Variants in TBL2 observed in about 807,000 individuals in gnomAD.
TBL2 encodes the protein transducin beta like 2.
In TBL2, 33 loss-of-function variants were observed where a neutral mutation model predicts 41.8. The observed-to-expected ratio is 0.79, with a 90% confidence interval of 0.60 to 1.06. TBL2 has a LOEUF of 1.06. Ranked by LOEUF, TBL2 falls within the 50% of genes least tolerant of loss-of-function variation. The pLI is 0.00. For synonymous variants in TBL2, 239 were observed against 241.7 expected, an observed-to-expected ratio of 0.99 and a Z score of 0.10; for missense variants, 522 against 603.8, an observed-to-expected ratio of 0.86 and a Z score of 1.42.
chr7:73,576,431 T>C (rs1554588940), intron 1 of TBL2: 3 of 328,234 alleles, frequency 9.1e-6, no homozygotes. Flanking sequence ...CCGGGCGTGG[T>C]GGCAGGCGCC....
chr7:73,578,077 C>G (rs1216044378), intron 1 of TBL2: 1 of 592,764 alleles, frequency 1.7e-6, no homozygotes, highest in Non-Finnish European at 2.9e-6. Flanking sequence ...GTAAATGCTG[C>G]TGCACATCAC....
chr7:73,574,419 G>C lies in TBL2; in HGVS notation c.225C>G (p.His75Gln), dbSNP rs373410374. ...QRIRKEKPQQ[H>Q]NFTHRLLAAA... ...CAGCCAGGAGGCGGTGGGTGAAGTT[G>C]TGTTGTTGAGGCTTCTCCTTCCGAA... is the stretch of plus-strand genomic sequence containing the variant. Residue 75 changes from histidine to glutamine, a missense_variant, in exon 2 of 7, where the codon CAC becomes CAG. Coordinates refer to ENST00000305632, the MANE Select transcript of TBL2 (RefSeq NM_012453.4). 5 of 1,614,012 alleles carry C rather than the reference G, an allele frequency of 3.1e-6. No individual in the cohort carries two copies. Among genetic ancestry groups the C allele is most frequent in the Non-Finnish European group, 4.2e-6 (5 of 1,180,042 alleles).
chr7:73,570,750 G>A lies in TBL2; in HGVS notation c.1101C>T (p.Cys367=). The change falls in exon 7 of 7, where the codon TGC becomes TGT. Residue 367 remains cysteine (C), a synonymous_variant. Transcript: ENST00000305632. ...YNTRRGEKEE[C]FERVHGECIA... The stretch of plus-strand genomic sequence containing the variant: ...TACACTCGCCATGGACCCGCTCAAA[G>A]CACTCCTCCTTCTCGCCCCGCCGGG... The A allele has an allele frequency of 6.2e-7, 1 of 1,614,210 alleles. No individual in the cohort carries two copies. Among genetic ancestry groups the A allele is most frequent in the Non-Finnish European group, 8.5e-7 (1 of 1,180,046 alleles).
chr7:73,573,395 T>G lies in TBL2; in HGVS notation c.523A>C (p.Thr175Pro). 6.2e-7 allele frequency: 1 copy of G among 1,614,112 alleles called. No individual in the cohort carries two copies. Among genetic ancestry groups the G allele is most frequent in the Non-Finnish European group, 8.5e-7 (1 of 1,180,006 alleles). Residue 175 changes from threonine (T) to proline (P), a missense_variant, in exon 4 of 7, where the codon ACC becomes CCC. Physicochemically the swap from Thr to Pro is conservative, Grantham distance 38. Coordinates refer to ENST00000305632, the MANE Select transcript of TBL2 (RefSeq NM_012453.4). ...KMTKREDGGYTFTATPEDFPK... is the reference protein window; with the variant it reads ...KMTKREDGGYPFTATPEDFPK... ...AAGTCCTCTGGGGTGGCTGTGAAGG[T>G]GTAGCCCCCATCCTCCCGCTTGGTC...
At chr7:73,572,626 A>C (rs560603408) in intron 5 of TBL2, among the ~76,000 whole-genome samples, 2 of 152,242 alleles carry the variant, frequency 1.3e-5, no homozygotes, top group African/African-American at 4.8e-5. Flanking sequence ...TTTTCTAAAA[A>C]ACAAAAACAC....
At position 73,571,281 on chromosome 7, in the gene TBL2, C is replaced by G; in HGVS notation, c.786G>C (p.Lys262Asn). ...DVKVWEVCFG[K>N]KGEFQEVVRA... ...GCACCACCTCCTGGAACTCCCCCTT[C>G]TTTCCAAAGCAGACTTCCCAAACCT... Residue 262 changes from lysine to asparagine, a missense_variant, in exon 6 of 7, where the codon AAG (lysine) becomes AAC (asparagine). Coordinates refer to ENST00000305632, the MANE Select transcript of TBL2 (RefSeq NM_012453.4). The G allele has an allele frequency of 1.2e-6, 2 of 1,614,238 alleles. No individual in the cohort carries two copies. Among genetic ancestry groups the G allele is most frequent in the Non-Finnish European group, 1.7e-6 (2 of 1,180,052 alleles).
intron 1 of TBL2, chr7:73,577,960 G>C (rs1793443711): frequency 6.0e-6 from 2 of 332,678 alleles, no homozygotes; most frequent in East Asian, 1.1e-4. Flanking sequence ...ATTTCACCGT[G>C]TTTTTCACTT....
rs574546381 is a variant in TBL2 at position 73,574,001 on chromosome 7, C to T, written c.383G>A (p.Arg128His). Reference sequence around the variant, plus strand: ...CAGCTCCACGTTGGCTCTCATGCTGCGGTGCTCTCGCTGCAGGAAGTCCTT... The same window carrying T: ...CAGCTCCACGTTGGCTCTCATGCTGTGGTGCTCTCGCTGCAGGAAGTCCTT... The part of the protein sequence containing the change: ...STKDFLQREH[R>H]SMRANVELDH... Residue 128 changes from arginine (R) to histidine (H), a missense_variant, in exon 3 of 7, where the codon CGC becomes CAC. Physicochemically the swap from Arg to His is conservative, Grantham distance 29. Transcript: ENST00000305632. 74 of 1,614,166 alleles carry T rather than the reference C, an allele frequency of 4.6e-5. No homozygotes were observed. Among genetic ancestry groups the T allele is most frequent in the South Asian group, 3.2e-4 (29 of 91,082 alleles).
chr7:73,574,244 G>T, intron 2 of TBL2, 122 bp from the exon 3 acceptor site: 4 of 1,517,016 alleles, frequency 2.6e-6, no homozygotes, highest in Non-Finnish European at 3.6e-6. Flanking sequence ...ATTGGGCTGC[G>T]ATGAGAGGGG....
At position 73,570,771 on chromosome 7, in the gene TBL2, C is replaced by T. The variant is rs1792882988; in HGVS notation, c.1080G>A (p.Arg360=). 6.2e-7 allele frequency: 1 copy of T among 1,614,178 alleles called. No individual in the cohort carries two copies. The highest frequency in any genetic ancestry group is 8.5e-7 in the Non-Finnish European group (1 of 1,180,048). Residue 360 remains arginine, a synonymous_variant, in exon 7 of 7, where the codon CGG becomes CGA. Coordinates refer to ENST00000305632, the MANE Select transcript of TBL2 (RefSeq NM_012453.4). ...SGSSIHLYNT[R]RGEKEECFER... ...CAAAGCACTCCTCCTTCTCGCCCCGCCGGGTATTGTAGAGATGAATACTAC... is the reference window on the plus strand; with the variant it reads ...CAAAGCACTCCTCCTTCTCGCCCCGTCGGGTATTGTAGAGATGAATACTAC...
chr7:73,574,410 G>T lies in TBL2; in HGVS notation c.234C>A (p.Thr78=). The T allele has an allele frequency of 6.2e-7, 1 of 1,613,828 alleles. No homozygotes were observed. Among genetic ancestry groups the T allele is most frequent in the Non-Finnish European group, 8.5e-7 (1 of 1,180,044 alleles). ...RKEKPQQHNF[T]HRLLAAALKS... ...TCAGAGCTGCAGCCAGGAGGCGGTG[G>T]GTGAAGTTGTGTTGTTGAGGCTTCT... Residue 78 remains threonine (T), a synonymous_variant, in exon 2 of 7, where the codon ACC becomes ACA. Transcript: ENST00000305632.
chr7:73,576,864 GGC>G, intron 1 of TBL2: 1 of 372,342 alleles, frequency 2.7e-6, no homozygotes, highest in Admixed American at 3.3e-5. Flanking sequence ...TTGGCCTTCT[GGC>G]AAACTCTTCT....
intron 6 of TBL2, 94 bp downstream of exon 6, chr7:73,571,095 C>T (rs1335742394): frequency 1.3e-6 from 2 of 1,590,008 alleles, no homozygotes; most frequent in African/African-American, 1.3e-5. Context: ...GGCACCCCAC[C>T]CTCTTCAGAG....
chr7:73,572,867 G>A lies in TBL2; in HGVS notation c.702C>T (p.His234=), dbSNP rs1554587963. 5.6e-6 allele frequency: 9 copies of A among 1,613,998 alleles called. No individual in the cohort carries two copies. The highest frequency in any genetic ancestry group is 2.7e-5 in the African/African-American group (2 of 74,922). Reference sequence around the variant, plus strand: ...ACCTGCCACAGGGAGATACAGCAGCGTGTGTGTTGTTCATCTGGTTGGTGT... The same window carrying A: ...ACCTGCCACAGGGAGATACAGCAGCATGTGTGTTGTTCATCTGGTTGGTGT... ...TINTNQMNNT[H]AAVSPCGRFV... The change falls in exon 5 of 7, where the codon CAC becomes CAT. Residue 234 remains histidine, a synonymous_variant. Coordinates refer to ENST00000305632, the MANE Select transcript of TBL2 (RefSeq NM_012453.4).
At chr7:73,575,457 AT>A (rs1374516946) in intron 1 of TBL2, among the ~76,000 whole-genome samples, 146 of 151,242 alleles carry the variant, frequency 9.7e-4, no homozygotes, top group African/African-American at 2.9e-3. Context: ...TGCCCGGCTA[AT>A]TTTTTTTTGT....
chr7:73,572,890 T>C lies in TBL2; in HGVS notation c.679A>G (p.Thr227Ala), dbSNP rs576817468. 2 of 1,614,048 alleles carry C rather than the reference T, an allele frequency of 1.2e-6. No individual in the cohort carries two copies. The highest frequency in any genetic ancestry group is 2.2e-5 in the East Asian group (1 of 44,874). Residue 227 changes from threonine (T) to alanine (A), a missense_variant, in exon 5 of 7, where the codon ACC becomes GCC. By Grantham distance (58) the Thr-to-Ala change is moderately conservative. Transcript: ENST00000305632. ...LKGQVLSTIN[T>A]NQMNNTHAAV... ...GCGTGTGTGTTGTTCATCTGGTTGG[T>C]GTTGATGGTAGACAGCACTTGACCC...
At chr7:73,574,797 G>T (rs1554588625) in intron 1 of TBL2, 4 of 518,274 alleles carry the variant, frequency 7.7e-6, no homozygotes, top group South Asian at 7.0e-5. Context: ...GAGTGACAGA[G>T]CAAGACCCTG....
chr7:73,571,168 C>T (rs1213778363), intron 6 of TBL2, 21 bp downstream of exon 6: 1 of 1,613,924 alleles, frequency 6.2e-7, no homozygotes, highest in East Asian at 2.2e-5. Context: ...ACTGGTCAGA[C>T]ATCAGAGCGG....
At position 73,575,886 on chromosome 7, in the gene TBL2, A is replaced by G. The variant is rs1793279297; in HGVS notation, c.131-1373T>C. ...TAGTGACACCCCATCTCTACAGAAA[A>G]CTTTAATTAGCTGGGCATGGTGGTG... On this transcript the variant is annotated intron_variant, in intron 1 of 6. Transcript: ENST00000305632. 2.6e-5 allele frequency among the ~76,000 whole-genome samples: 4 copies of G among 151,944 alleles called. No individual in the cohort carries two copies. The South Asian group carries it at 8.3e-4, about 32-fold the overall frequency.
Sources: gnomAD v4.1 joint callset for allele counts (sites outside exome capture counted in the v4.1 genomes callset) on GRCh38, gnomAD v4.1.1 for gene constraint, MANE v1.5 for transcripts, NCBI Gene and HGNC (gene_info 2026-07-23, HGNC 2026-07-21) for gene names.